Variants in SEPTIN9 observed in about 807,000 individuals in gnomAD.
SEPTIN9 encodes the protein septin-9.
In SEPTIN9, 13 loss-of-function variants were observed where a neutral mutation model predicts 56.6. That is an observed-to-expected ratio of 0.23 (90% CI 0.15 to 0.37). SEPTIN9 has a LOEUF of 0.37. SEPTIN9 is among the 10% of genes least tolerant of loss of function. The pLI is 1.00. For missense variants in SEPTIN9, 650 were observed against 823.1 expected, an observed-to-expected ratio of 0.79 and a Z score of 2.57; for synonymous variants, 332 against 334.1, an observed-to-expected ratio of 0.99 and a Z score of 0.07.
chr17:77,289,746 G>A (rs1440102971), intron 1 of SEPTIN9, among the ~76,000 whole-genome samples: 3 of 151,918 alleles, frequency 2.0e-5, no homozygotes, highest in African/African-American at 4.9e-5. Flanking sequence ...TTTAAGGAAA[G>A]CAATCTAAAC....
chr17:77,402,240 C>G lies in SEPTIN9; in HGVS notation c.258C>G (p.Pro86=), dbSNP rs199829107. 4.3e-6 allele frequency: 7 copies of G among 1,613,416 alleles called. No homozygotes were observed. The highest frequency in any genetic ancestry group is 5.9e-6 in the Non-Finnish European group (7 of 1,179,862). ...TGGACTCCCTAAGCCAACGCTCCCC[C>G]AAGGCGTCCCTGCGGAGGGTGGAGC... is the stretch of plus-strand genomic sequence containing the variant. ...RHVDSLSQRS[P]KASLRRVELS... is the part of the protein sequence containing the mutation. Residue 86 remains proline (P), a synonymous_variant, in exon 3 of 12, where the codon CCC becomes CCG. Coordinates refer to ENST00000427177, the MANE Select transcript of SEPTIN9 (RefSeq NM_001113491.2). The surrounding 1 kb of genome is among the most constrained non-coding windows in gnomAD (Gnocchi z 6.6).
intron 2 of SEPTIN9, among the ~76,000 whole-genome samples, chr17:77,346,986 C>T (rs1344207727): frequency 6.6e-6 from 1 of 152,164 alleles, no homozygotes; most frequent in Non-Finnish European, 1.5e-5. Flanking sequence ...TTGGACTTCC[C>T]AGCCTCTAGA....
At chr17:77,353,963 A>T (rs1471066003) in intron 2 of SEPTIN9, among the ~76,000 whole-genome samples, 2 of 152,060 alleles carry the variant, frequency 1.3e-5, no homozygotes, top group Non-Finnish European at 2.9e-5. Flanking sequence ...CGTGAGACAG[A>T]TCCCTCTAGG....
chr17:77,348,316 T>TTA (rs1183308516), intron 2 of SEPTIN9, among the ~76,000 whole-genome samples: 11 of 147,688 alleles, frequency 7.4e-5, no homozygotes, highest in Admixed American at 7.4e-4. Context: ...TTTTTTTTTT[T>TTA]AAGACAGAGT....
chr17:77,496,396 A>G (rs1315823947), intron 10 of SEPTIN9: 1 of 152,194 alleles, frequency 6.6e-6, no homozygotes, highest in Non-Finnish European at 1.5e-5. Context: ...AGGTGTGTGA[A>G]GACGAAGTTC....
Position 77,475,151 on chromosome 17 carries a change from G to T in SEPTIN9, c.722-6993G>T. Reference sequence around the variant, plus strand: ...GCCCTACGCTGCTCTGAAGAAAGCCGGGCTGGGGTGAGCGTGATGGATGAG... The same window carrying T: ...GCCCTACGCTGCTCTGAAGAAAGCCTGGCTGGGGTGAGCGTGATGGATGAG... On this transcript the variant is annotated intron_variant, in intron 3 of 11. Coordinates refer to ENST00000427177, the MANE Select transcript of SEPTIN9 (RefSeq NM_001113491.2). The surrounding 1 kb of genome is among the most constrained non-coding windows in gnomAD (Gnocchi z 4.6). The T allele has an allele frequency of 9.7e-7, 1 of 1,029,560 alleles. No homozygotes were observed. Among genetic ancestry groups the T allele is most frequent in the Non-Finnish European group, 1.2e-6 (1 of 824,858 alleles). The allele number at this position is 1,029,560 out of a possible 1,614,324, so 63.8% of individuals were successfully genotyped here.
At position 77,322,429 on chromosome 17, in the gene SEPTIN9, A is replaced by G. The variant is rs900233216; in HGVS notation, c.76+15232A>G. 1.3e-5 allele frequency among the ~76,000 whole-genome samples: 2 copies of G among 152,216 alleles called. 1 individual carries two copies. The highest frequency in any genetic ancestry group is 4.1e-4 in the South Asian group (2 of 4,830). ...CAAAATCCCATTCGGATGTGTTTTC[A>G]TGTAAGAAAACGTACATTTTTAGAA... On this transcript the variant is annotated intron_variant, in intron 2 of 11. Transcript: ENST00000427177.
rs760078247 is a variant in SEPTIN9, at chr17:77,445,376, C to A, written c.722-36768C>A. ...TTTGATGGGAAGCATCTGCTGCATC[C>A]CATTGGGGTGTTGCCCAGGATGGAT... On this transcript the variant is annotated intron_variant, in intron 3 of 11. Coordinates refer to ENST00000427177, the MANE Select transcript of SEPTIN9 (RefSeq NM_001113491.2). This position sits in a 1 kb window ranked among gnomAD's most constrained non-coding sequence, Gnocchi z 4.7. 131 of 466,194 alleles carry A rather than the reference C, an allele frequency of 2.8e-4. No homozygotes were observed. Among genetic ancestry groups the A allele is most frequent in the African/African-American group, 2.2e-3 (110 of 50,188 alleles). The allele number at this position is 466,194 out of a possible 1,614,324, so 28.9% of individuals were successfully genotyped here.
chr17:77,388,810 C>CTTTTTTT (rs5822196), intron 2 of SEPTIN9, among the ~76,000 whole-genome samples: 12 of 78,044 alleles, frequency 1.5e-4, no homozygotes, highest in Non-Finnish European at 2.2e-4. Flanking sequence ...GTGTTAGGCG[C>CTTTTTTT]TTTTTTTTTT....
Position 77,366,555 on chromosome 17 carries a change from A to G in SEPTIN9, c.77-35504A>G, listed in dbSNP as rs772785609. On this transcript the variant is annotated intron_variant, in intron 2 of 11. Transcript: ENST00000427177. Reference sequence around the variant, plus strand: ...GCCAGGGTTCTGCTGGAGAGGGATCATCTTGGAGGGGTCATACTTTCCACC... The same window carrying G: ...GCCAGGGTTCTGCTGGAGAGGGATCGTCTTGGAGGGGTCATACTTTCCACC... Among the ~76,000 whole-genome samples the G allele has an allele frequency of 7.8e-4, 119 of 152,298 alleles. 1 individual carries two copies. Among genetic ancestry groups the G allele is most frequent in the Middle Eastern group, 3.4e-3 (1 of 294 alleles).
intron 2 of SEPTIN9, among the ~76,000 whole-genome samples, chr17:77,344,443 T>C (rs1234717439): frequency 6.6e-6 from 1 of 152,168 alleles, no homozygotes; most frequent in Non-Finnish European, 1.5e-5. Flanking sequence ...GTGGAAAAGA[T>C]ATAACAATTG....
rs751622773 is a variant in SEPTIN9 at position 77,482,241 on chromosome 17, G to T, written c.819G>T (p.Pro273=). 1 of 1,613,042 alleles carries T rather than the reference G, an allele frequency of 6.2e-7. No individual in the cohort carries two copies. The highest frequency in any genetic ancestry group is 1.6e-4 in the Middle Eastern group (1 of 6,062). ...QAPASRNEKA[P]VDFGYVGIDS... ...CTGCATCACGGAACGAGAAGGCCCCGGTGGACTTCGGCTACGTGGGGATTG... is the reference window on the plus strand; with the variant it reads ...CTGCATCACGGAACGAGAAGGCCCCTGTGGACTTCGGCTACGTGGGGATTG... Residue 273 remains proline, a synonymous_variant, in exon 4 of 12, where the codon CCG becomes CCT. Coordinates refer to ENST00000427177, the MANE Select transcript of SEPTIN9 (RefSeq NM_001113491.2).
chr17:77,328,972 G>C (rs2033247690), intron 2 of SEPTIN9, among the ~76,000 whole-genome samples: 2 of 152,190 alleles, frequency 1.3e-5, no homozygotes, highest in South Asian at 4.1e-4. Context: ...AAAATCCAAG[G>C]GAAGAGCAAC....
chr17:77,381,622 C>G (rs1298537632), intron 2 of SEPTIN9, among the ~76,000 whole-genome samples: 3 of 152,250 alleles, frequency 2.0e-5, no homozygotes, highest in Admixed American at 1.3e-4. Context: ...CTCTTGCCCC[C>G]CATTAAAGGT....
intron 3 of SEPTIN9, among the ~76,000 whole-genome samples, chr17:77,427,867 G>A (rs917651342): frequency 1.3e-5 from 2 of 152,158 alleles, no homozygotes; most frequent in Non-Finnish European, 2.9e-5. Context: ...GGGCCTGCCC[G>A]ACTTGCTATT....
At chr17:77,412,476 C>T (rs1338840684) in intron 3 of SEPTIN9, among the ~76,000 whole-genome samples, 2 of 152,174 alleles carry the variant, frequency 1.3e-5, no homozygotes, top group Non-Finnish European at 2.9e-5. Context: ...ATGGCTAACA[C>T]CTATAATCCC....
chr17:77,360,309 C>T (rs2034373324), intron 2 of SEPTIN9, among the ~76,000 whole-genome samples: 1 of 152,170 alleles, frequency 6.6e-6, no homozygotes, highest in South Asian at 2.1e-4. Flanking sequence ...CTATTTGCCA[C>T]AGTCATTCTC....
In SEPTIN9 at chr17:77,313,147, G is replaced by C. The variant is rs2032570446; in HGVS notation, c.76+5950G>C. Among the ~76,000 whole-genome samples, 1 of 152,234 alleles carries C rather than the reference G, an allele frequency of 6.6e-6. No homozygotes were observed. The highest frequency in any genetic ancestry group is 1.5e-5 in the Non-Finnish European group (1 of 68,032). ...AGAGAAGCTTAAACTCAGGGGACCT[G>C]GGGCAAACTCTGCAAGGGCCCTTGG... On this transcript the variant is annotated intron_variant, in intron 2 of 11. Coordinates refer to ENST00000427177, the MANE Select transcript of SEPTIN9 (RefSeq NM_001113491.2). This position sits in a 1 kb window ranked among gnomAD's most constrained non-coding sequence, Gnocchi z 4.5.
intron 2 of SEPTIN9, among the ~76,000 whole-genome samples, chr17:77,321,145 C>G (rs967276330): frequency 6.6e-6 from 1 of 152,226 alleles, no homozygotes. Context: ...TCATGCCGCC[C>G]TCTGAGCCCA....
Sources: allele counts gnomAD v4.1 joint callset (sites outside exome capture counted in the v4.1 genomes callset), GRCh38; gene constraint gnomAD v4.1.1; non-coding constraint Gnocchi (gnomAD v3.1); transcripts MANE v1.5; gene names NCBI Gene and HGNC (gene_info 2026-07-23, HGNC 2026-07-21).